The following TRAK1 variants were observed in gnomAD, a reference collection of about 807,000 sequenced individuals.
The protein encoded by TRAK1 is trafficking kinesin protein 1.
In TRAK1, 33 loss-of-function variants were observed where a neutral mutation model predicts 92.1. That is an observed-to-expected ratio of 0.36 (90% CI 0.27 to 0.48). The LOEUF is 0.48. TRAK1 is among the 20% of genes least tolerant of loss of function. TRAK1 has a pLI of 0.99. For missense variants in TRAK1, 1,123 were observed against 1,257.9 expected, an observed-to-expected ratio of 0.89 and a Z score of 1.62; for synonymous variants, 521 against 517.3, an observed-to-expected ratio of 1.01 and a Z score of -0.10.
chr3:42,203,508 T>C (rs1169842746), intron 13 of TRAK1: 1 of 984,364 alleles, frequency 1.0e-6, no homozygotes, highest in Admixed American at 6.2e-5. Flanking sequence ...TTTTTTTTTT[T>C]TTTTTTTAAT....
intron 14 of TRAK1, among the ~76,000 whole-genome samples, chr3:42,215,185 A>G (rs1043827815): frequency 8.5e-5 from 13 of 152,216 alleles, no homozygotes; most frequent in African/African-American, 3.1e-4. Flanking sequence ...GAAAGTCTTT[A>G]GAGCATCTTC....
intron 2 of TRAK1, chr3:42,160,493 C>G (rs1701144583): frequency 8.7e-6 from 14 of 1,611,718 alleles, no homozygotes; most frequent in Non-Finnish European, 1.2e-5. Context: ...GTACTTGGCT[C>G]AGATTTGATC....
intron 1 of TRAK1, among the ~76,000 whole-genome samples, chr3:42,065,837 C>T (rs1190430063): frequency 6.6e-6 from 1 of 151,852 alleles, no homozygotes; most frequent in Non-Finnish European, 1.5e-5. Flanking sequence ...ACTATGTTTC[C>T]CAGGCTGGTC....
intron 2 of TRAK1, among the ~76,000 whole-genome samples, chr3:42,144,952 A>G (rs1699146617): frequency 1.3e-5 from 2 of 152,166 alleles, no homozygotes; most frequent in South Asian, 4.1e-4. Context: ...ATAGAATGTC[A>G]GTTTTTCTAT....
At chr3:42,091,671 G>A (rs1260851369) in intron 1 of TRAK1, 111 bp downstream of exon 1, 3 of 988,782 alleles carry the variant, frequency 3.0e-6, no homozygotes, top group East Asian at 2.8e-5. Flanking sequence ...CTGCTTGGGA[G>A]GTTGTTCATG....
intron 2 of TRAK1, among the ~76,000 whole-genome samples, chr3:42,131,902 TAAAAA>T (rs57140951): frequency 1.2e-3 from 161 of 137,630 alleles, no homozygotes; most frequent in Non-Finnish European, 1.4e-3. Flanking sequence ...TACAAAAAAT[TAAAAA>T]AAAAAAAAAA....
At chr3:42,032,634 A>G (rs1019768576) in intron 1 of TRAK1, among the ~76,000 whole-genome samples, 2 of 152,198 alleles carry the variant, frequency 1.3e-5, no homozygotes, top group Non-Finnish European at 2.9e-5. Context: ...CAACAAGACT[A>G]TTGTCATATC....
In TRAK1 at chr3:42,091,577, G is replaced by T; in HGVS notation, c.91+17G>T. 6.2e-7 allele frequency: 1 copy of T among 1,607,194 alleles called. No individual in the cohort carries two copies. ...ACGCCTGTGGTAAGTTTGTTTGCCA[G>T]GTCTGTCTGCTGTCTGTTTTCTTTG... is the stretch of plus-strand genomic sequence containing the variant. On this transcript the variant is annotated intron_variant, in intron 1 of 15. Coordinates refer to ENST00000327628, the MANE Select transcript of TRAK1 (RefSeq NM_001042646.3).
chr3:42,163,858 A>G (rs186562113), intron 2 of TRAK1, among the ~76,000 whole-genome samples: 4 of 152,322 alleles, frequency 2.6e-5, no homozygotes, highest in Non-Finnish European at 4.4e-5. Flanking sequence ...ACTCCAAGAA[A>G]TCATTTTTAG....
chr3:42,052,533 T>C (rs572199316), intron 1 of TRAK1, among the ~76,000 whole-genome samples: 23 of 152,326 alleles, frequency 1.5e-4, no homozygotes, highest in African/African-American at 5.5e-4. Flanking sequence ...CTTATGCTAT[T>C]GTTGAGCAGA....
chr3:42,041,119 C>T (rs1296906855), intron 1 of TRAK1, among the ~76,000 whole-genome samples: 3 of 146,330 alleles, frequency 2.1e-5, no homozygotes, highest in Admixed American at 2.0e-4. Context: ...ATTTTAAGAC[C>T]AGCTAGTTAA....
intron 2 of TRAK1, among the ~76,000 whole-genome samples, chr3:42,127,306 G>T (rs1710700776): frequency 1.3e-5 from 2 of 150,974 alleles, no homozygotes; most frequent in Non-Finnish European, 2.9e-5. Flanking sequence ...ACCTATCATG[G>T]CCATTTCTCT....
At position 42,188,027 on chromosome 3, in the gene TRAK1, C is replaced by A. The variant is rs1705153469; in HGVS notation, c.481-18C>A. On this transcript the variant is annotated intron_variant, in intron 4 of 15. Coordinates refer to ENST00000327628, the MANE Select transcript of TRAK1 (RefSeq NM_001042646.3). ...CACCTTTTGGGAAGCAAATGATGGG[C>A]CTGCTCTGCTTGTGCAGGTGTCTCA... The A allele has an allele frequency of 6.2e-7, 1 of 1,610,750 alleles. No homozygotes were observed. Among genetic ancestry groups the A allele is most frequent in the African/African-American group, 1.3e-5 (1 of 74,834 alleles).
chr3:42,105,514 C>T (rs929571326), intron 1 of TRAK1, among the ~76,000 whole-genome samples: 8 of 152,060 alleles, frequency 5.3e-5, no homozygotes, highest in Non-Finnish European at 1.0e-4. Context: ...AAATATGGGA[C>T]TATGTGAAAA....
In TRAK1 at chr3:42,202,858, T is replaced by G. The variant is rs770954050; in HGVS notation, c.1744+106T>G. ...CACCTCTGTCACGCCTACTCCTTTT[T>G]CTTCCGCGACAGCCACCCGCGCTGC... On this transcript the variant is annotated intron_variant, in intron 13 of 15. Coordinates refer to ENST00000327628, the MANE Select transcript of TRAK1 (RefSeq NM_001042646.3). The surrounding 1 kb of genome is among the most constrained non-coding windows in gnomAD (Gnocchi z 6.1). 8 of 1,509,454 alleles carry G rather than the reference T, an allele frequency of 5.3e-6. No individual in the cohort carries two copies. Among genetic ancestry groups the G allele is most frequent in the Non-Finnish European group, 7.1e-6 (8 of 1,126,732 alleles). The allele number at this position is 1,509,454 out of a possible 1,614,324, so 93.5% of individuals were successfully genotyped here.
intron 1 of TRAK1, among the ~76,000 whole-genome samples, chr3:42,080,167 A>G (rs556910494): frequency 1.3e-5 from 2 of 152,086 alleles, no homozygotes; most frequent in African/African-American, 2.4e-5. Flanking sequence ...TAGCGGGGAG[A>G]AAATATTAGG....
rs11356596 is a variant in TRAK1, at chr3:42,117,824, C to CT, written c.92-7584dup. Among the ~76,000 whole-genome samples, 367 of 147,324 alleles carry CT rather than the reference C, an allele frequency of 2.5e-3. 1 individual carries two copies. Among genetic ancestry groups the CT allele is most frequent in the Non-Finnish European group, 3.9e-3 (258 of 66,670 alleles). ...TCCACATATCTGTATTTCTTCTTTT[C>CT]TTTTTTTTTTTTGAGACTGAGTCTA... On this transcript the variant is annotated intron_variant, in intron 1 of 15. Transcript: ENST00000327628.
intron 1 of TRAK1, among the ~76,000 whole-genome samples, chr3:42,044,972 TG>T (rs1702696379): frequency 1.3e-5 from 2 of 152,284 alleles, no homozygotes; most frequent in South Asian, 4.1e-4. Context: ...TTTAAAGATT[TG>T]TTTTTTTTCC....
intron 3 of TRAK1, among the ~76,000 whole-genome samples, chr3:42,179,695 CTT>C (rs927652649): frequency 2.0e-5 from 3 of 152,088 alleles, no homozygotes; most frequent in African/African-American, 4.8e-5. Context: ...AAGTTACAGT[CTT>C]TTTTAAGTCT....
Sources: gnomAD v4.1 joint callset for allele counts (sites outside exome capture counted in the v4.1 genomes callset) on GRCh38, gnomAD v4.1.1 for gene constraint, Gnocchi (gnomAD v3.1) non-coding constraint, MANE v1.5 for transcripts, NCBI Gene and HGNC (gene_info 2026-07-23, HGNC 2026-07-21) for gene names.